RANBP2: variants seen among roughly 807,000 people sequenced by gnomAD.
RANBP2 encodes E3 SUMO-protein ligase RanBP2.
RANBP2 carries 57 observed loss-of-function variants against 303.6 expected under a neutral mutation model. That is an observed-to-expected ratio of 0.19 (90% confidence interval 0.15 to 0.23). The LOEUF (loss-of-function observed/expected upper bound fraction) is 0.23. Ranked by LOEUF, RANBP2 falls within the 10% of genes least tolerant of loss-of-function variation. The pLI is 1.00. For synonymous variants in RANBP2, 1,167 were observed against 1,301.5 expected (o/e 0.90, Z 2.23); for missense variants, 3,138 against 3,780.8 (o/e 0.83, Z 4.46).
At chr2:109,479,324 G>A in the RANBP2 span, among the ~76,000 whole-genome samples, 1 of 152,100 alleles carries the variant, frequency 6.6e-6, no homozygotes, top group South Asian at 2.1e-4. Flanking sequence ...TGTAGAGGGG[G>A]GCTAGTGAGT....
chr2:109,711,200 G>C, the RANBP2 span, among the ~76,000 whole-genome samples: 1 of 152,052 alleles, frequency 6.6e-6, no homozygotes, highest in African/African-American at 2.4e-5. Context: ...CCCTGCAACT[G>C]TCTTCAGCAG....
At chr2:109,557,159 T>C in the RANBP2 span, among the ~76,000 whole-genome samples, 1 of 151,916 alleles carries the variant, frequency 6.6e-6, no homozygotes, top group Non-Finnish European at 1.5e-5. Context: ...ACCCTAGAAC[T>C]TAAAGTATAA....
chr2:109,639,477 G>A, the RANBP2 span, among the ~76,000 whole-genome samples: 1 of 151,906 alleles, frequency 6.6e-6, no homozygotes, highest in Non-Finnish European at 1.5e-5. Flanking sequence ...AAATCAGCTG[G>A]GTGTGGTGAC....
chr2:109,567,714 T>C, the RANBP2 span: 1 of 1,178,482 alleles, frequency 8.5e-7, no homozygotes, highest in Non-Finnish European at 1.1e-6. Flanking sequence ...TGAAGTCTTT[T>C]TGGAAGACAC....
At chr2:109,546,061 C>T in the RANBP2 span, 1 of 1,587,388 alleles carries the variant, frequency 6.3e-7, no homozygotes, top group Admixed American at 1.8e-5. Context: ...TCTTACGGTC[C>T]TTGTCCTTCC....
the RANBP2 span, among the ~76,000 whole-genome samples, chr2:109,429,083 G>C: frequency 6.6e-6 from 1 of 152,196 alleles, no homozygotes; most frequent in Non-Finnish European, 1.5e-5. Context: ...GCTGCAGGGG[G>C]CAGCGGCAGA....
the RANBP2 span, among the ~76,000 whole-genome samples, chr2:109,652,078 G>A: frequency 8.1e-4 from 124 of 152,292 alleles, no homozygotes; most frequent in Middle Eastern, 3.4e-3. Context: ...CAGCTGCACG[G>A]TAGTGGGTTG....
At chr2:109,645,934 A>G in the RANBP2 span, among the ~76,000 whole-genome samples, 56 of 152,288 alleles carry the variant, frequency 3.7e-4, no homozygotes, top group African/African-American at 1.3e-3. Context: ...AAAACTCTCA[A>G]CGCAGCCAAA....
the RANBP2 span, among the ~76,000 whole-genome samples, chr2:109,439,984 A>G: frequency 6.6e-6 from 1 of 152,200 alleles, no homozygotes; most frequent in African/African-American, 2.4e-5. Flanking sequence ...GAAAGTTTTC[A>G]AGAGGAGGTG....
the RANBP2 span, among the ~76,000 whole-genome samples, chr2:109,163,028 T>C: frequency 1.8e-3 from 275 of 150,782 alleles, no homozygotes; most frequent in African/African-American, 6.0e-3. Context: ...TCCCCCAAAG[T>C]CTGTATAGTG....
At chr2:109,227,626 C>G in the RANBP2 span, among the ~76,000 whole-genome samples, 1 of 152,212 alleles carries the variant, frequency 6.6e-6, no homozygotes, top group Non-Finnish European at 1.5e-5. Context: ...TGGATCTGGC[C>G]TGGCCATGCC....
the RANBP2 span, among the ~76,000 whole-genome samples, chr2:108,974,126 G>A: frequency 1.3e-5 from 2 of 151,590 alleles, no homozygotes; most frequent in Non-Finnish European, 2.9e-5. Flanking sequence ...TCAGGAGATC[G>A]AGACCATCCT....
chr2:109,065,510 T>G, the RANBP2 span, among the ~76,000 whole-genome samples: 3 of 152,124 alleles, frequency 2.0e-5, no homozygotes, highest in African/African-American at 7.2e-5. Context: ...GCCAGGACAT[T>G]TCTGCTGGAT....
At chr2:108,827,976 C>T in the RANBP2 span, among the ~76,000 whole-genome samples, 1 of 151,684 alleles carries the variant, frequency 6.6e-6, no homozygotes, top group Non-Finnish European at 1.5e-5. Context: ...TATAGGAGCA[C>T]ACAAATTGAT....
At chr2:109,264,103 G>A in the RANBP2 span, among the ~76,000 whole-genome samples, 1 of 152,168 alleles carries the variant, frequency 6.6e-6, no homozygotes, top group African/African-American at 2.4e-5. Flanking sequence ...TCAGTCTGTG[G>A]GTGCTACCTG....
At chr2:109,249,603 C>T in the RANBP2 span, among the ~76,000 whole-genome samples, 2 of 135,078 alleles carry the variant, frequency 1.5e-5, no homozygotes, top group African/African-American at 2.9e-5. Flanking sequence ...CTTTCTTTTT[C>T]TTTCTTTCTT....
At chr2:108,956,255 A>T in the RANBP2 span, among the ~76,000 whole-genome samples, 3 of 152,224 alleles carry the variant, frequency 2.0e-5, no homozygotes, top group Non-Finnish European at 4.4e-5. Flanking sequence ...GTTGCAATGA[A>T]CATCTTTGTG....
the RANBP2 span, among the ~76,000 whole-genome samples, chr2:109,335,082 G>A: frequency 6.6e-6 from 1 of 152,222 alleles, no homozygotes; most frequent in African/African-American, 2.4e-5. Context: ...GATCATGGTG[G>A]TCATACCACT....
the RANBP2 span, among the ~76,000 whole-genome samples, chr2:108,832,072 C>G: frequency 3.3e-5 from 5 of 151,900 alleles, no homozygotes; most frequent in Non-Finnish European, 5.9e-5. Flanking sequence ...CTCTGTCGCC[C>G]AGGCTGGAGT....
Sources: allele counts gnomAD v4.1 joint callset (sites outside exome capture counted in the v4.1 genomes callset), GRCh38; gene constraint gnomAD v4.1.1; transcripts MANE v1.5; gene names NCBI Gene and HGNC (gene_info 2026-07-23, HGNC 2026-07-21).